SYNE1: variants seen among roughly 807,000 people sequenced by gnomAD.
The protein encoded by SYNE1 is spectrin repeat containing nuclear envelope protein 1, also known as nesprin-1.
SYNE1 carries 616 observed loss-of-function variants against 1,111.0 expected under a neutral mutation model. That is an observed-to-expected ratio of 0.55 (90% CI 0.52 to 0.59). The LOEUF (loss-of-function observed/expected upper bound fraction) is 0.59, where lower values mean the gene tolerates loss of function less well. Ranked by LOEUF, SYNE1 falls within the 20% of genes least tolerant of loss-of-function variation. SYNE1 has a pLI of 0.00. For missense variants in SYNE1, 10,006 were observed against 10,417.0 expected, an observed-to-expected ratio of 0.96 and a Z score of 1.72; for synonymous variants, 3,855 against 3,825.8, an observed-to-expected ratio of 1.01 and a Z score of -0.28.
chr6:152,348,377 A>C (rs955421051), intron 72 of SYNE1, among the ~76,000 whole-genome samples: 2 of 152,162 alleles, frequency 1.3e-5, no homozygotes, highest in African/African-American at 2.4e-5. Context: ...AGGGAAGAAT[A>C]ACTTATTTTT....
At chr6:152,353,168 G>T in intron 69 of SYNE1, 95 bp downstream of exon 69, 2 of 1,479,748 alleles carry the variant, frequency 1.4e-6, no homozygotes, top group Admixed American at 3.3e-5. Context: ...CATAATGGTT[G>T]GGATGATCAC....
chr6:152,279,963 A>T (rs1232607393), intron 97 of SYNE1, among the ~76,000 whole-genome samples: 1 of 152,164 alleles, frequency 6.6e-6, no homozygotes, highest in African/African-American at 2.4e-5. Context: ...TCAAAAGAAA[A>T]AAACTGAATA....
intron 3 of SYNE1, among the ~76,000 whole-genome samples, chr6:152,622,645 AT>A (rs1003858288): frequency 6.6e-6 from 1 of 152,036 alleles, no homozygotes; most frequent in Non-Finnish European, 1.5e-5. Flanking sequence ...TATGTACCAC[AT>A]TTTTTTGTGC....
At chr6:152,465,049 C>G (rs2098756271) in intron 18 of SYNE1, 1 of 604,550 alleles carries the variant, frequency 1.7e-6, no homozygotes, top group Non-Finnish European at 3.0e-6. Flanking sequence ...CCTTTGCTGC[C>G]CATTGGATTT....
chr6:152,195,988 T>C (rs2074022685), intron 127 of SYNE1, among the ~76,000 whole-genome samples: 1 of 152,178 alleles, frequency 6.6e-6, no homozygotes. Context: ...ACCGAAACCA[T>C]AAGAAAAAGT....
At chr6:152,250,927 T>C (rs2088996240) in intron 104 of SYNE1, among the ~76,000 whole-genome samples, 1 of 152,146 alleles carries the variant, frequency 6.6e-6, no homozygotes, top group Non-Finnish European at 1.5e-5. Flanking sequence ...CATAGATAGA[T>C]TTCCTGTATG....
rs1311308657 is a variant in SYNE1 at position 152,154,959 on chromosome 6, G to C, written c.24062C>G (p.Thr8021Arg). ...CCCAGAAGAGCTGGGAAAAGCAGCTGTCCTTTCTGAAGACTTCAGCCAATC... is the reference window on the plus strand; with the variant it reads ...CCCAGAAGAGCTGGGAAAAGCAGCTCTCCTTTCTGAAGACTTCAGCCAATC... ...FEDWLKSSER[T>R]AAFPSSSGVI... is the part of the protein sequence containing the mutation. The change falls in exon 133 of 146, where the codon ACA (threonine) becomes AGA (arginine). Residue 8021 changes from threonine (T) to arginine (R), a missense_variant. This residue lies in a region of SYNE1 where 2,182 missense variants were observed against 2,287.8 expected (regional missense o/e 0.95). Coordinates refer to ENST00000367255, the MANE Select transcript of SYNE1 (RefSeq NM_182961.4). 1.9e-6 allele frequency: 3 copies of C among 1,614,058 alleles called. No individual in the cohort carries two copies. The highest frequency in any genetic ancestry group is 1.3e-5 in the African/African-American group (1 of 74,912).
At chr6:152,415,529 T>C (rs1319548704) in intron 41 of SYNE1, among the ~76,000 whole-genome samples, 1 of 152,136 alleles carries the variant, frequency 6.6e-6, no homozygotes, top group African/African-American at 2.4e-5. Context: ...TGCACCAGTC[T>C]CTACCAAGAG....
intron 10 of SYNE1, among the ~76,000 whole-genome samples, chr6:152,501,788 T>C (rs966815365): frequency 1.3e-5 from 2 of 151,194 alleles, no homozygotes; most frequent in African/African-American, 4.9e-5. Flanking sequence ...TACAAGATTG[T>C]TCATAAAAGC....
At position 152,278,827 on chromosome 6, in the gene SYNE1, G is replaced by T. The variant is rs145148579; in HGVS notation, c.18382-547C>A. Among the ~76,000 whole-genome samples the T allele has an allele frequency of 7.9e-4, 120 of 152,200 alleles. No homozygotes were observed. In the East Asian group the frequency reaches 0.021, roughly 27 times the overall value. On this transcript the variant is annotated intron_variant, in intron 97 of 145. Transcript: ENST00000367255. ...CTGTTGCCCAGGCTGGAGTGCTTTG[G>T]CATGAACATGGCTCACTGCGGCCTC...
At position 152,250,949 on chromosome 6, in the gene SYNE1, C is replaced by CTTTGT. The variant is rs758798758; in HGVS notation, c.19471-1692_19471-1688dup. ...AGATTTCCTGTATGCCAGTTTTATG[C>CTTTGT]TTTGTTTTGTTTTGTTTTGAGACAG... On this transcript the variant is annotated intron_variant, in intron 104 of 145. Coordinates refer to ENST00000367255, the MANE Select transcript of SYNE1 (RefSeq NM_182961.4). Among the ~76,000 whole-genome samples the CTTTGT allele has an allele frequency of 1.7e-4, 26 of 152,026 alleles. No individual in the cohort carries two copies. In the South Asian group the frequency reaches 3.5e-3, roughly 21 times the overall value.
chr6:152,380,727 G>A, intron 56 of SYNE1: 1 of 437,324 alleles, frequency 2.3e-6, no homozygotes, highest in African/African-American at 2.0e-5. Flanking sequence ...GCTGAATACA[G>A]TATTACAGAC....
chr6:152,353,422 T>A lies in SYNE1; in HGVS notation c.11094A>T (p.Lys3698Asn), dbSNP rs1210671252. 1 of 1,614,048 alleles carries A rather than the reference T, an allele frequency of 6.2e-7. No homozygotes were observed. The highest frequency in any genetic ancestry group is 1.3e-5 in the African/African-American group (1 of 74,920). The change falls in exon 69 of 146, where the codon AAA becomes AAT. Residue 3698 changes from lysine (K) to asparagine (N), a missense_variant. Physicochemically the swap from Lys to Asn is moderately conservative, Grantham distance 94. This residue lies in a region of SYNE1 where 4,955 missense variants were observed against 5,017.2 expected (regional missense o/e 0.99). Transcript: ENST00000367255. The part of the protein sequence containing the change: ...ALLLQVLEQI[K>N]FLEEEIQSLE... ...AACTCTGAATCTCCTCCTCCAGGAA[T>A]TTTATTTGTTCCTATGAAAGAAAAG... is the stretch of plus-strand genomic sequence containing the variant.
At chr6:152,610,317 G>A (rs2099627698) in intron 3 of SYNE1, among the ~76,000 whole-genome samples, 1 of 152,138 alleles carries the variant, frequency 6.6e-6, no homozygotes, top group Admixed American at 6.5e-5. Flanking sequence ...TGAAGGAGCT[G>A]AAAACCATGG....
At chr6:152,354,484 T>C (rs2096799243) in intron 67 of SYNE1, among the ~76,000 whole-genome samples, 175 bp downstream of exon 67, 1 of 152,220 alleles carries the variant, frequency 6.6e-6, no homozygotes, top group African/African-American at 2.4e-5. Flanking sequence ...GACTAATTTA[T>C]GAAATAATTG....
At chr6:152,136,521 C>T (rs2057113258) in intron 141 of SYNE1, 97 bp downstream of exon 141, 2 of 1,472,124 alleles carry the variant, frequency 1.4e-6, no homozygotes, top group African/African-American at 1.4e-5. Flanking sequence ...TGGGGAGCAA[C>T]TGCGTCCCTC....
chr6:152,164,182 C>T lies in SYNE1; in HGVS notation c.23771G>A (p.Arg7924Lys), dbSNP rs1178007789. The part of the protein sequence containing the change: ...YDSCNSEEIQ[R>K]KLNEQQELQR... ...TCTTACCTGCTGCTCATTAAGCTTTCTCTGTATTTCTTCCGAGTTACAGGA... is the reference window on the plus strand; with the variant it reads ...TCTTACCTGCTGCTCATTAAGCTTTTTCTGTATTTCTTCCGAGTTACAGGA... The change falls in exon 131 of 146, where the codon AGA becomes AAA. Residue 7924 changes from arginine (R) to lysine (K), a missense_variant. Arg to Lys is a conservative substitution (Grantham distance 26). Around this residue, in one of 7 missense-constraint regions of SYNE1, gnomAD observed 2,182 missense variants for 2,287.8 expected, o/e 0.95. Coordinates refer to ENST00000367255, the MANE Select transcript of SYNE1 (RefSeq NM_182961.4). 1.9e-6 allele frequency: 3 copies of T among 1,614,062 alleles called. No individual in the cohort carries two copies. The Admixed American group carries it at 5.0e-5, about 27-fold the overall frequency.
intron 34 of SYNE1, among the ~76,000 whole-genome samples, chr6:152,432,454 T>A (rs962047094): frequency 3.3e-5 from 5 of 152,174 alleles, no homozygotes; most frequent in African/African-American, 9.6e-5. Context: ...TTCACTTACA[T>A]ATTTTAGATA....
chr6:152,208,185 C>T lies in SYNE1; in HGVS notation c.22611G>A (p.Leu7537=). The change falls in exon 125 of 146, where the codon TTG becomes TTA. Residue 7537 remains leucine (L), a synonymous_variant. Coordinates refer to ENST00000367255, the MANE Select transcript of SYNE1 (RefSeq NM_182961.4). The part of the protein sequence containing the change: ...VDDRDEFNLK[L]TLLSNQWQGV... Reference sequence around the variant, plus strand: ...CCTGCCATTGATTACTGAGGAGTGTCAATTTCAGGTTGAATTCATCCCTAG... The same window carrying T: ...CCTGCCATTGATTACTGAGGAGTGTTAATTTCAGGTTGAATTCATCCCTAG... 6.2e-7 allele frequency: 1 copy of T among 1,613,980 alleles called. No homozygotes were observed.
Sources: allele counts gnomAD v4.1 joint callset (sites outside exome capture counted in the v4.1 genomes callset), GRCh38; gene constraint gnomAD v4.1.1; regional missense constraint gnomAD v4.1.1; transcripts MANE v1.5; gene names NCBI Gene and HGNC (gene_info 2026-07-23, HGNC 2026-07-21).